The following NLGN1 variants were observed in gnomAD, a reference collection of about 807,000 sequenced individuals.
NLGN1 encodes the protein neuroligin-1.
In NLGN1, 12 loss-of-function variants were observed where a neutral mutation model predicts 65.5. The ratio of observed to expected loss-of-function variants is 0.18; its 90% CI spans 0.12 to 0.30. The LOEUF (loss-of-function observed/expected upper bound fraction) is 0.30, where lower values mean the gene tolerates loss of function less well. NLGN1 is among the 10% of genes least tolerant of loss of function. NLGN1 has a pLI of 1.00. For synonymous variants in NLGN1, 350 were observed against 359.5 expected (o/e 0.97, Z 0.30); for missense variants, 750 against 1,007.1 (o/e 0.74, Z 3.46).
intron 3 of NLGN1, among the ~76,000 whole-genome samples, chr3:173,679,673 A>T (rs1383192219): frequency 1.3e-5 from 2 of 152,144 alleles, no homozygotes; most frequent in African/African-American, 4.8e-5. Flanking sequence ...CAGCAAAATA[A>T]TATTGGTCTC....
At chr3:174,262,471 A>G (rs1577664894) in intron 4 of NLGN1, among the ~76,000 whole-genome samples, 3 of 131,466 alleles carry the variant, frequency 2.3e-5, no homozygotes, top group African/African-American at 9.0e-5. Context: ...GTTTATTTGC[A>G]TAGAGGTGTT....
intron 3 of NLGN1, among the ~76,000 whole-genome samples, chr3:173,634,237 A>C (rs1246005341): frequency 1.3e-5 from 2 of 152,136 alleles, no homozygotes; most frequent in African/African-American, 4.8e-5. Context: ...ACAATTTGTT[A>C]AGAGTACATA....
intron 2 of NLGN1, among the ~76,000 whole-genome samples, chr3:173,538,006 G>A (rs1458135945): frequency 6.6e-6 from 1 of 152,168 alleles, no homozygotes; most frequent in Non-Finnish European, 1.5e-5. Context: ...AATAATTGTT[G>A]TGTCACCTAG....
intron 4 of NLGN1, among the ~76,000 whole-genome samples, chr3:173,883,294 G>C (rs928942034): frequency 2.6e-5 from 4 of 152,206 alleles, no homozygotes; most frequent in African/African-American, 7.2e-5. Context: ...GGAGGCGAGA[G>C]ATAAGGGAAT....
chr3:173,622,237 C>G (rs1754114177), intron 3 of NLGN1, among the ~76,000 whole-genome samples: 1 of 152,008 alleles, frequency 6.6e-6, no homozygotes, highest in Admixed American at 6.6e-5. Context: ...ATTACAGACT[C>G]AGCTTGTTTT....
exon 3 of NLGN1, chr3:173,604,670 A>T (rs766661299): frequency 6.2e-7 from 1 of 1,613,548 alleles, no homozygotes; most frequent in Non-Finnish European, 8.5e-7. Context: ...TACACCGGGG[A>T]TTGGGTGCCC....
intron 4 of NLGN1, among the ~76,000 whole-genome samples, chr3:174,131,404 G>A (rs1054679149): frequency 5.9e-5 from 9 of 152,008 alleles, no homozygotes; most frequent in East Asian, 1.9e-4. Flanking sequence ...ACATAACCAC[G>A]ATGTTTCTCT....
At chr3:173,415,013 A>C (rs938473564) in intron 1 of NLGN1, among the ~76,000 whole-genome samples, 8 of 152,262 alleles carry the variant, frequency 5.3e-5, no homozygotes, top group Admixed American at 3.3e-4. Flanking sequence ...CAAGAGGGCT[A>C]TCAAGGAGGC....
intron 4 of NLGN1, among the ~76,000 whole-genome samples, chr3:174,154,349 G>A (rs7618273): frequency 0.013 from 1,998 of 152,038 alleles, 41 homozygotes; most frequent in African/African-American, 0.044. Context: ...TTGCATTTCC[G>A]TGGAAGAGAG....
chr3:173,957,021 A>T (rs1292447929), intron 4 of NLGN1, among the ~76,000 whole-genome samples: 1 of 152,164 alleles, frequency 6.6e-6, no homozygotes, highest in African/African-American at 2.4e-5. Flanking sequence ...TTAGGCATGT[A>T]TGAAAAGCTA....
chr3:173,622,889 GC>G (rs1190196033), intron 3 of NLGN1, among the ~76,000 whole-genome samples: 1 of 152,062 alleles, frequency 6.6e-6, no homozygotes, highest in Non-Finnish European at 1.5e-5. Context: ...AACACAAGTT[GC>G]CATACTTCCT....
At chr3:174,248,993 AT>A (rs1744302228) in intron 4 of NLGN1, among the ~76,000 whole-genome samples, 1 of 152,182 alleles carries the variant, frequency 6.6e-6, no homozygotes, top group African/African-American at 2.4e-5. Context: ...CGATGCTGCT[AT>A]ATTTAATTAA....
intron 4 of NLGN1, among the ~76,000 whole-genome samples, chr3:174,199,798 T>C (rs1023934335): frequency 6.6e-6 from 1 of 152,190 alleles, no homozygotes; most frequent in East Asian, 1.9e-4. Flanking sequence ...TACAAGATTT[T>C]CAAACATCTC....
intron 2 of NLGN1, among the ~76,000 whole-genome samples, chr3:173,444,039 A>T (rs541633429): frequency 7.0e-4 from 106 of 152,184 alleles, no homozygotes; most frequent in African/African-American, 2.4e-3. Flanking sequence ...TATAATTTTA[A>T]CTTGAAAAGA....
intron 3 of NLGN1, among the ~76,000 whole-genome samples, chr3:173,656,869 G>C (rs1760128711): frequency 6.6e-6 from 1 of 152,000 alleles, no homozygotes; most frequent in Non-Finnish European, 1.5e-5. Flanking sequence ...ACAAGAAAGT[G>C]AAGGTTTGAA....
At chr3:174,174,752 T>G (rs1481128346) in intron 4 of NLGN1, among the ~76,000 whole-genome samples, 1 of 151,736 alleles carries the variant, frequency 6.6e-6, no homozygotes, top group African/African-American at 2.4e-5. Context: ...TTATTTAAAG[T>G]TTTCTCTTTT....
rs191592730 is a variant in NLGN1 at position 174,066,300 on chromosome 3, G to A, written c.647-209015G>A. Reference sequence around the variant, plus strand: ...ATAACTAAAGTAACTTGAAAATTATGGACAGGTTTTTTTTTTAAGATTCTA... The same window carrying A: ...ATAACTAAAGTAACTTGAAAATTATAGACAGGTTTTTTTTTTAAGATTCTA... On this transcript the variant is annotated intron_variant, in intron 4 of 6. Transcript: ENST00000457714. Among the ~76,000 whole-genome samples, 147 of 151,810 alleles carry A rather than the reference G, an allele frequency of 9.7e-4. 1 individual carries two copies. The highest frequency in any genetic ancestry group is 9.0e-3 in the Admixed American group (137 of 15,224).
At chr3:173,607,325 A>G (rs1028325074) in intron 3 of NLGN1, among the ~76,000 whole-genome samples, 4 of 151,860 alleles carry the variant, frequency 2.6e-5, no homozygotes, top group African/African-American at 9.7e-5. Context: ...TTGAGCTTGT[A>G]TGGTTTACAG....
intron 2 of NLGN1, among the ~76,000 whole-genome samples, chr3:173,515,117 C>G (rs1298842866): frequency 6.6e-6 from 1 of 152,080 alleles, no homozygotes; most frequent in Non-Finnish European, 1.5e-5. Context: ...TACATCCCTC[C>G]CAACAGTGCG....
Sources: allele counts gnomAD v4.1 joint callset (sites outside exome capture counted in the v4.1 genomes callset), GRCh38; gene constraint gnomAD v4.1.1; transcripts MANE v1.5; gene names NCBI Gene and HGNC (gene_info 2026-07-23, HGNC 2026-07-21).